Variants in SHQ1 observed in about 807,000 individuals in gnomAD.
The protein encoded by SHQ1 is protein SHQ1 homolog.
Under a neutral mutation model 53.8 loss-of-function variants are expected in SHQ1, and 49 were observed. The observed-to-expected ratio is 0.91, with a 90% CI of 0.72 to 1.16. The LOEUF (loss-of-function observed/expected upper bound fraction) is 1.16. SHQ1 is among the 50% of genes most tolerant of loss of function. SHQ1 has a pLI of 0.00. For missense variants in SHQ1, 738 were observed against 683.1 expected (o/e 1.08, Z -0.90); for synonymous variants, 243 against 251.0 (o/e 0.97, Z 0.30).
At chr3:72,753,736 C>T (rs1705438925) in intron 10 of SHQ1, 5 of 627,960 alleles carry the variant, frequency 8.0e-6, no homozygotes, top group Non-Finnish European at 9.9e-6. Context: ...GCATTATAAC[C>T]CCTGGCTAAT....
In SHQ1 at chr3:72,779,960, C is replaced by T. The variant is rs902930744; in HGVS notation, c.1181+12956G>A. On this transcript the variant is annotated intron_variant, in intron 10 of 10. Coordinates refer to ENST00000325599, the MANE Select transcript of SHQ1 (RefSeq NM_018130.3). Reference sequence around the variant, plus strand: ...TCTGATAAAAAGGTACAAGGCCAGGCGAGGTGGCTCATGCCTATAATCCTA... The same window carrying T: ...TCTGATAAAAAGGTACAAGGCCAGGTGAGGTGGCTCATGCCTATAATCCTA... Among the ~76,000 whole-genome samples, 4 of 152,272 alleles carry T rather than the reference C, an allele frequency of 2.6e-5. No individual in the cohort carries two copies. In the East Asian group the frequency reaches 7.7e-4, roughly 29 times the overall value.
intron 10 of SHQ1, among the ~76,000 whole-genome samples, chr3:72,762,586 C>T (rs1705635576): frequency 6.6e-6 from 1 of 152,184 alleles, no homozygotes; most frequent in South Asian, 2.1e-4. Flanking sequence ...TTGTGTACCT[C>T]GCAAGGTCTC....
At chr3:72,847,388 G>A (rs1437383934) in intron 1 of SHQ1, among the ~76,000 whole-genome samples, 1 of 152,126 alleles carries the variant, frequency 6.6e-6, no homozygotes. Flanking sequence ...AATACTTTAG[G>A]ATGAATATGT....
At chr3:72,816,037 GA>G (rs1469697404) in intron 7 of SHQ1, among the ~76,000 whole-genome samples, 1 of 152,024 alleles carries the variant, frequency 6.6e-6, no homozygotes, top group Non-Finnish European at 1.5e-5. Flanking sequence ...AAAGACGAGT[GA>G]AAACAAAAAG....
At chr3:72,732,425 CCT>C in the SHQ1 span, among the ~76,000 whole-genome samples, 129 of 143,160 alleles carry the variant, frequency 9.0e-4, no homozygotes, top group African/African-American at 2.8e-3. Context: ...TTCCTTCCTT[CCT>C]CTCTCTCTCT....
the SHQ1 span, among the ~76,000 whole-genome samples, chr3:72,729,473 A>T: frequency 6.6e-6 from 1 of 152,222 alleles, no homozygotes. Flanking sequence ...TATAGCCACA[A>T]ATTCCAGGTC....
At chr3:72,765,075 C>A (rs752371061) in intron 10 of SHQ1, among the ~76,000 whole-genome samples, 1 of 152,210 alleles carries the variant, frequency 6.6e-6, no homozygotes. Context: ...GGGCCCTACT[C>A]TAATGGTTCC....
At position 72,842,002 on chromosome 3, in the gene SHQ1, C is replaced by A. The variant is rs145482994; in HGVS notation, c.331+278G>T. Among the ~76,000 whole-genome samples the A allele has an allele frequency of 6.8e-3, 1,035 of 152,290 alleles. 16 individuals are homozygous for A. The highest frequency in any genetic ancestry group is 0.023 in the African/African-American group (975 of 41,560). On this transcript the variant is annotated intron_variant, in intron 3 of 10. Coordinates refer to ENST00000325599, the MANE Select transcript of SHQ1 (RefSeq NM_018130.3). ...CCCCTGTTTTACGTAACTCACTTAACTGTATACTTCTGATCTTAGCTCAAG... is the reference window on the plus strand; with the variant it reads ...CCCCTGTTTTACGTAACTCACTTAAATGTATACTTCTGATCTTAGCTCAAG...
At chr3:72,757,381 C>CA (rs1553688641) in intron 10 of SHQ1, among the ~76,000 whole-genome samples, 1 of 134,940 alleles carries the variant, frequency 7.4e-6, no homozygotes, top group Non-Finnish European at 1.6e-5. Flanking sequence ...CTTCTCTTTC[C>CA]TTTTTTTTTT....
At chr3:72,753,948 G>A (rs1468958609) in intron 10 of SHQ1, among the ~76,000 whole-genome samples, 1 of 152,162 alleles carries the variant, frequency 6.6e-6, no homozygotes, top group Non-Finnish European at 1.5e-5. Flanking sequence ...CTCCATGAAG[G>A]GGAGTTCTCT....
At chr3:72,818,377 G>A (rs757593037) in intron 6 of SHQ1, among the ~76,000 whole-genome samples, 12 of 152,040 alleles carry the variant, frequency 7.9e-5, no homozygotes, top group African/African-American at 1.2e-4. Flanking sequence ...CTATGTCCTT[G>A]ATTATTAGAG....
the SHQ1 span, among the ~76,000 whole-genome samples, chr3:72,732,432 C>CTT: frequency 1.3e-5 from 1 of 76,020 alleles, no homozygotes; most frequent in East Asian, 5.2e-4. Flanking sequence ...CTTCCTCTCT[C>CTT]TCTCTCTTTA....
chr3:72,800,390 A>G lies in SHQ1; in HGVS notation c.1061-7354T>C, dbSNP rs546767709. Among the ~76,000 whole-genome samples, 147 of 152,330 alleles carry G rather than the reference A, an allele frequency of 9.7e-4. 1 individual carries two copies. Among genetic ancestry groups the G allele is most frequent in the African/African-American group, 3.3e-3 (139 of 41,566 alleles). On this transcript the variant is annotated intron_variant, in intron 9 of 10. Transcript: ENST00000325599. ...TCATATAATTACATGATTTAACCCTACGAGTTAGGTACTTTCTTCCTTGTT... is the reference window on the plus strand; with the variant it reads ...TCATATAATTACATGATTTAACCCTGCGAGTTAGGTACTTTCTTCCTTGTT...
intron 1 of SHQ1, among the ~76,000 whole-genome samples, chr3:72,845,169 C>A (rs1708292761): frequency 1.3e-5 from 2 of 152,058 alleles, no homozygotes; most frequent in African/African-American, 4.8e-5. Context: ...TAGGGATTTA[C>A]CCCTCTTTTG....
At chr3:72,822,605 C>T (rs1707510604) in intron 6 of SHQ1, among the ~76,000 whole-genome samples, 1 of 152,172 alleles carries the variant, frequency 6.6e-6, no homozygotes, top group African/African-American at 2.4e-5. Context: ...TTCTCCCACA[C>T]CACCTCATTA....
intron 10 of SHQ1, among the ~76,000 whole-genome samples, chr3:72,777,751 A>G (rs1705986912): frequency 1.3e-5 from 2 of 152,248 alleles, no homozygotes; most frequent in Non-Finnish European, 1.5e-5. Flanking sequence ...AAACACGTAT[A>G]GTGATATCTG....
At chr3:72,738,909 A>G in the SHQ1 span, among the ~76,000 whole-genome samples, 81 of 151,732 alleles carry the variant, frequency 5.3e-4, no homozygotes, top group Middle Eastern at 3.4e-3. Context: ...CCGCCCCGCG[A>G]CGCCCGAGGA....
At chr3:72,775,468 T>G (rs1353298323) in intron 10 of SHQ1, among the ~76,000 whole-genome samples, 1 of 151,576 alleles carries the variant, frequency 6.6e-6, no homozygotes, top group Non-Finnish European at 1.5e-5. Flanking sequence ...GCTTTTTTTT[T>G]TTTTTTTTTG....
chr3:72,802,973 A>G (rs1357448828), intron 9 of SHQ1, among the ~76,000 whole-genome samples: 1 of 152,122 alleles, frequency 6.6e-6, no homozygotes, highest in Non-Finnish European at 1.5e-5. Context: ...GCCTGCCCCA[A>G]TCTTAGAACC....
Sources: gnomAD v4.1 joint callset for allele counts (sites outside exome capture counted in the v4.1 genomes callset) on GRCh38, gnomAD v4.1.1 for gene constraint, MANE v1.5 for transcripts, NCBI Gene and HGNC (gene_info 2026-07-23, HGNC 2026-07-21) for gene names.